The following SPMAP2L variants were observed in gnomAD, a reference collection of about 807,000 sequenced individuals.
SPMAP2L encodes the protein sperm microtubule associated protein 2 like, also known as sperm microtubule associated protein 2-like.
chr4:56,543,895 A>AGAGTGTGTGTGTGT, the SPMAP2L span, among the ~76,000 whole-genome samples: 4 of 109,418 alleles, frequency 3.7e-5, no homozygotes, highest in African/African-American at 1.5e-4. Flanking sequence ...AGAGAGAGAG[A>AGAGTGTGTGTGTGT]GTGTGTGTGT....
the SPMAP2L span, among the ~76,000 whole-genome samples, chr4:56,531,376 CTG>C: frequency 2.0e-5 from 3 of 152,188 alleles, no homozygotes; most frequent in Non-Finnish European, 4.4e-5. Flanking sequence ...AGATGGGAAA[CTG>C]ACACCCTGAT....
At chr4:56,534,488 C>T in the SPMAP2L span, among the ~76,000 whole-genome samples, 4 of 152,134 alleles carry the variant, frequency 2.6e-5, no homozygotes. Context: ...TTCCTTATTC[C>T]CTGGGTGAGG....
chr4:56,615,950 A>G, the SPMAP2L span, among the ~76,000 whole-genome samples: 1 of 152,152 alleles, frequency 6.6e-6, no homozygotes. Flanking sequence ...TAGCTGCACA[A>G]GAATCACTCA....
the SPMAP2L span, among the ~76,000 whole-genome samples, chr4:56,607,090 T>C: frequency 1.3e-5 from 2 of 151,910 alleles, no homozygotes; most frequent in African/African-American, 2.4e-5. Flanking sequence ...GGATAGAGAG[T>C]GCTCTGGTTT....
chr4:56,580,665 G>T, the SPMAP2L span, among the ~76,000 whole-genome samples: 1 of 151,014 alleles, frequency 6.6e-6, no homozygotes, highest in South Asian at 2.1e-4. Context: ...AAAAATAAAG[G>T]GCATCCAGAT....
the SPMAP2L span, chr4:56,595,572 C>A: frequency 5.1e-6 from 7 of 1,378,930 alleles, no homozygotes; most frequent in African/African-American, 7.1e-5. Context: ...GGCAGCATTC[C>A]CACTCCCCTT....
the SPMAP2L span, among the ~76,000 whole-genome samples, chr4:56,554,937 CTTTTTTT>C: frequency 3.2e-5 from 3 of 93,436 alleles, no homozygotes; most frequent in Non-Finnish European, 6.4e-5. Flanking sequence ...ACTATCATTT[CTTTTTTT>C]TTTTTTTTTT....
chr4:56,566,715 TTG>T, the SPMAP2L span, among the ~76,000 whole-genome samples: 5 of 105,488 alleles, frequency 4.7e-5, no homozygotes, highest in African/African-American at 2.7e-4. Flanking sequence ...TTTTTTTTTT[TTG>T]GCAGAGTTTT....
chr4:56,548,870 C>G, the SPMAP2L span: 2 of 1,328,834 alleles, frequency 1.5e-6, no homozygotes, highest in Non-Finnish European at 2.0e-6. Context: ...AACTAATAGG[C>G]CAGCCAATCT....
At chr4:56,593,294 A>C in the SPMAP2L span, 1 of 1,176,430 alleles carries the variant, frequency 8.5e-7, no homozygotes, top group Non-Finnish European at 1.3e-6. Flanking sequence ...TGCTACAGAC[A>C]CAAGAGGAGG....
At chr4:56,603,348 C>A in the SPMAP2L span, 5 of 1,494,378 alleles carry the variant, frequency 3.3e-6, no homozygotes, top group Middle Eastern at 1.7e-4. Flanking sequence ...AACAGTCAGA[C>A]CCTGGTTATG....
the SPMAP2L span, chr4:56,548,834 G>A: frequency 1.4e-6 from 2 of 1,468,766 alleles, no homozygotes; most frequent in Non-Finnish European, 9.0e-7. Context: ...GTAAGACATA[G>A]TTATAGTACT....
the SPMAP2L span, among the ~76,000 whole-genome samples, chr4:56,608,202 G>T: frequency 6.6e-6 from 1 of 152,118 alleles, no homozygotes; most frequent in South Asian, 2.1e-4. Context: ...TGAAGGAGCT[G>T]CTTGGCTTCC....
chr4:56,603,242 T>C, the SPMAP2L span: 3 of 1,534,936 alleles, frequency 2.0e-6, no homozygotes, highest in Admixed American at 2.0e-5. Context: ...ATGATCCAGA[T>C]GTCTTTAAAA....
At chr4:56,608,753 C>T in the SPMAP2L span, among the ~76,000 whole-genome samples, 33 of 152,134 alleles carry the variant, frequency 2.2e-4, no homozygotes, top group African/African-American at 7.5e-4. Context: ...GTAGAGCCAC[C>T]AACATGCAAC....
the SPMAP2L span, among the ~76,000 whole-genome samples, chr4:56,571,001 G>A: frequency 6.6e-6 from 1 of 151,338 alleles, no homozygotes; most frequent in Admixed American, 6.6e-5. Flanking sequence ...TCAGGGTTTC[G>A]CCATGTTGGC....
At chr4:56,549,350 A>G in the SPMAP2L span, among the ~76,000 whole-genome samples, 2 of 152,160 alleles carry the variant, frequency 1.3e-5, no homozygotes. Context: ...GTTACTTAGT[A>G]GATCTGAACC....
chr4:56,605,981 C>A, the SPMAP2L span, among the ~76,000 whole-genome samples: 1 of 152,160 alleles, frequency 6.6e-6, no homozygotes, highest in South Asian at 2.1e-4. Flanking sequence ...CATGTTTTTA[C>A]TTCTGTAGAA....
chr4:56,600,097 C>CTTTTTTTTTTTTTTTTTTT, the SPMAP2L span, among the ~76,000 whole-genome samples: 20 of 87,804 alleles, frequency 2.3e-4, 2 homozygotes, highest in African/African-American at 6.6e-4. Context: ...TCTTTGCTTT[C>CTTTTTTTTTTTTTTTTTTT]TTTTTTTTTT....
Sources: gnomAD v4.1 joint callset for allele counts (sites outside exome capture counted in the v4.1 genomes callset) on GRCh38, gnomAD v4.1.1 for gene constraint, MANE v1.5 for transcripts, NCBI Gene and HGNC (gene_info 2026-07-23, HGNC 2026-07-21) for gene names.